KIF16B: variants seen among roughly 807,000 people sequenced by gnomAD.
KIF16B encodes the protein kinesin-like protein KIF16B.
A neutral mutation model predicts 156.3 loss-of-function variants in KIF16B; 98 were observed. The ratio of observed to expected loss-of-function variants is 0.63; its 90% confidence interval spans 0.53 to 0.74. The LOEUF (loss-of-function observed/expected upper bound fraction) is 0.74, where lower values mean the gene tolerates loss of function less well. Ranked by LOEUF, KIF16B falls within the 30% of genes least tolerant of loss-of-function variation. The pLI is 0.00. For synonymous variants in KIF16B, 564 were observed against 583.7 expected (o/e 0.97, Z 0.49); for missense variants, 1,421 against 1,606.5 (o/e 0.88, Z 1.97).
chr20:16,441,728 G>C (rs372910208), intron 12 of KIF16B, among the ~76,000 whole-genome samples: 1 of 152,038 alleles, frequency 6.6e-6, no homozygotes, highest in African/African-American at 2.4e-5. Flanking sequence ...GGTGCACTTT[G>C]AGAATGCTCA....
chr20:16,360,857 C>A (rs2064537997), intron 22 of KIF16B, among the ~76,000 whole-genome samples: 2 of 152,076 alleles, frequency 1.3e-5, no homozygotes, highest in African/African-American at 2.4e-5. Flanking sequence ...TCAAAAGGAA[C>A]AAATTGAGGA....
At chr20:16,506,575 T>C (rs2068784885) in intron 7 of KIF16B, among the ~76,000 whole-genome samples, 1 of 152,238 alleles carries the variant, frequency 6.6e-6, no homozygotes, top group South Asian at 2.1e-4. Flanking sequence ...ATATGATCAA[T>C]ATAGACAAGT....
chr20:16,567,196 G>A (rs1415473123), intron 1 of KIF16B, among the ~76,000 whole-genome samples: 1 of 152,138 alleles, frequency 6.6e-6, no homozygotes, highest in Non-Finnish European at 1.5e-5. Context: ...CTGAATAAGA[G>A]ACCTCCTTAT....
At chr20:16,386,564 T>C (rs568966498) in intron 17 of KIF16B, among the ~76,000 whole-genome samples, 1 of 151,752 alleles carries the variant, frequency 6.6e-6, no homozygotes, top group Admixed American at 6.6e-5. Flanking sequence ...GTGGTGGTTT[T>C]GGGAGAATGG....
In KIF16B at chr20:16,404,849, C is replaced by T. The variant is rs144884167; in HGVS notation, c.1748G>A (p.Arg583His). Residue 583 changes from arginine to histidine, a missense_variant, in exon 17 of 26, where the codon CGT (arginine) becomes CAT (histidine). Transcript: ENST00000354981. ...CAACATGACTGCAGACAGGTTCTCA[C>T]GGGACTTCGAGAGGTCGGTCATGGA... ...SLSMTDLSKS[R>H]ENLSAVMLYN... 2.0e-3 allele frequency: 3,281 copies of T among 1,613,428 alleles called. 41 individuals carry two copies. In the East Asian group the frequency reaches 0.029, roughly 14 times the overall value.
At chr20:16,558,798 G>A (rs1481414488) in intron 1 of KIF16B, among the ~76,000 whole-genome samples, 1 of 150,590 alleles carries the variant, frequency 6.6e-6, no homozygotes, top group African/African-American at 2.4e-5. Context: ...CAGCTACTCT[G>A]GAGTCTGAAG....
intron 1 of KIF16B, among the ~76,000 whole-genome samples, chr20:16,549,146 C>T (rs1302116675): frequency 6.7e-6 from 1 of 149,130 alleles, no homozygotes; most frequent in Non-Finnish European, 1.5e-5. Flanking sequence ...CCCACTAACT[C>T]GTCATCTAGC....
chr20:16,305,759 G>T (rs1314406475), intron 25 of KIF16B, among the ~76,000 whole-genome samples: 1 of 152,114 alleles, frequency 6.6e-6, no homozygotes, highest in Non-Finnish European at 1.5e-5. Context: ...TCCCACATAT[G>T]AGTGAGAACA....
In KIF16B at chr20:16,437,858, C is replaced by G. The variant is rs569818033; in HGVS notation, c.1303-7876G>C. 3.3e-5 allele frequency among the ~76,000 whole-genome samples: 5 copies of G among 151,808 alleles called. No individual in the cohort carries two copies. In the South Asian group the frequency reaches 1.0e-3, roughly 32 times the overall value. On this transcript the variant is annotated intron_variant, in intron 12 of 25. Coordinates refer to ENST00000354981, the MANE Select transcript of KIF16B (RefSeq NM_024704.5). ...ATGCTAAAAGTCGTTATCAGCTGGGCGTGGTGGCTCATGCCTGTAATCCCA... is the reference window on the plus strand; with the variant it reads ...ATGCTAAAAGTCGTTATCAGCTGGGGGTGGTGGCTCATGCCTGTAATCCCA...
chr20:16,325,240 G>A (rs1030222359), intron 24 of KIF16B, among the ~76,000 whole-genome samples: 12 of 151,684 alleles, frequency 7.9e-5, no homozygotes, highest in Admixed American at 1.3e-4. Flanking sequence ...GAGAACTGGA[G>A]CAAGACAAGG....
At chr20:16,401,392 C>T (rs1392502460) in intron 17 of KIF16B, among the ~76,000 whole-genome samples, 1 of 152,170 alleles carries the variant, frequency 6.6e-6, no homozygotes, top group East Asian at 1.9e-4. Flanking sequence ...GCAGTATCCC[C>T]TGGGATTAGG....
At chr20:16,570,325 T>A (rs2071409911) in intron 1 of KIF16B, among the ~76,000 whole-genome samples, 1 of 152,154 alleles carries the variant, frequency 6.6e-6, no homozygotes, top group Non-Finnish European at 1.5e-5. Flanking sequence ...AGATTTCCAA[T>A]TTTTTAAGGG....
rs73901129 is a variant in KIF16B at position 16,569,786 on chromosome 20, C to T, written c.47+3443G>A. Among the ~76,000 whole-genome samples, 942 of 152,226 alleles carry T rather than the reference C, an allele frequency of 6.2e-3. 9 individuals carry two copies. The highest frequency in any genetic ancestry group is 0.022 in the African/African-American group (894 of 41,530). On this transcript the variant is annotated intron_variant, in intron 1 of 25. Transcript: ENST00000354981. The stretch of plus-strand genomic sequence containing the variant: ...TTTTGTAGGTGACTTTTTAAAATTA[C>T]CTAAATAAGCACTGCTGGGTTAATA...
intron 15 of KIF16B, among the ~76,000 whole-genome samples, chr20:16,408,166 A>G (rs2065834191): frequency 6.6e-6 from 1 of 152,170 alleles, no homozygotes; most frequent in Non-Finnish European, 1.5e-5. Context: ...ATTCAATATG[A>G]TTAAAACCTA....
chr20:16,537,264 A>C (rs2070006334), intron 1 of KIF16B, among the ~76,000 whole-genome samples: 1 of 152,102 alleles, frequency 6.6e-6, no homozygotes, highest in Admixed American at 6.5e-5. Flanking sequence ...CTATTCCAGC[A>C]CTATATCCTG....
chr20:16,336,277 T>C (rs2064035507), intron 23 of KIF16B, among the ~76,000 whole-genome samples: 1 of 152,176 alleles, frequency 6.6e-6, no homozygotes, highest in African/African-American at 2.4e-5. Flanking sequence ...TCTTAATTGG[T>C]TATAAAAAGT....
chr20:16,498,001 T>C (rs905318120), intron 10 of KIF16B, among the ~76,000 whole-genome samples: 1 of 152,236 alleles, frequency 6.6e-6, no homozygotes, highest in African/African-American at 2.4e-5. Context: ...TCTTTTAATA[T>C]GTACAGAGTC....
chr20:16,367,055 G>A (rs550276075), intron 22 of KIF16B: 1,214 of 1,418,818 alleles, frequency 8.6e-4, no homozygotes, highest in Non-Finnish European at 1.1e-3. Flanking sequence ...TTAGCTACAC[G>A]GAGATATTCA....
Position 16,526,168 on chromosome 20 carries a change from C to CT in KIF16B, c.154_155insA (p.Arg52GlnfsTer8). On this transcript the variant is annotated frameshift_variant, in exon 3 of 26. Transcript: ENST00000354981. LOFTEE classifies it high-confidence loss of function. ...AAAGTCATAGGTGAAGGTCTTGGTCCGTTCTCTTCCTGAGTCCCCAGTGCC... is the reference window on the plus strand; with the variant it reads ...AAAGTCATAGGTGAAGGTCTTGGTCCTGTTCTCTTCCTGAGTCCCCAGTGCC... 3 of 1,606,004 alleles carry CT rather than the reference C, an allele frequency of 1.9e-6. No homozygotes were observed. The highest frequency in any genetic ancestry group is 8.5e-7 in the Non-Finnish European group (1 of 1,176,070).
Sources: gnomAD v4.1 joint callset for allele counts (sites outside exome capture counted in the v4.1 genomes callset) on GRCh38, gnomAD v4.1.1 for gene constraint, MANE v1.5 for transcripts, NCBI Gene and HGNC (gene_info 2026-07-23, HGNC 2026-07-21) for gene names.